Variants in UGT1A10 observed in about 807,000 individuals in gnomAD.
UGT1A10 encodes the protein UDP glucuronosyltransferase family 1 member A10.
UGT1A10 carries 49 observed loss-of-function variants against 45.8 expected under a neutral mutation model. That is an observed-to-expected ratio of 1.07 (90% CI 0.85 to 1.36). The LOEUF is 1.36. Among genes scored for constraint, UGT1A10 ranks in the 40% most tolerant of loss-of-function variants. The pLI, the probability that UGT1A10 is intolerant of heterozygous loss-of-function variation, is 0.00. For missense variants in UGT1A10, 745 were observed against 668.6 expected (o/e 1.11, Z -1.26); for synonymous variants, 284 against 249.7 (o/e 1.14, Z -1.29).
At chr2:233,677,323 G>C (rs552269750) in intron 1 of UGT1A10, among the ~76,000 whole-genome samples, 1 of 151,982 alleles carries the variant, frequency 6.6e-6, no homozygotes, top group Non-Finnish European at 1.5e-5. Flanking sequence ...AGTGTTCATT[G>C]CTAGTATAGT....
At chr2:233,760,437 G>A (rs1351570136) in intron 1 of UGT1A10, 1 of 1,614,104 alleles carries the variant, frequency 6.2e-7, no homozygotes, top group East Asian at 2.2e-5. Flanking sequence ...TCCAGCAGCT[G>A]CAGCAGAGGG....
intron 1 of UGT1A10, chr2:233,682,625 A>G (rs2074587539): frequency 1.2e-6 from 2 of 1,613,918 alleles, no homozygotes; most frequent in Non-Finnish European, 8.5e-7. Context: ...TGTCTTAGAA[A>G]TAGCCTCTGA....
Position 233,769,464 on chromosome 2 carries a change from CGTGTGTGT to C in UGT1A10, c.1295+1033_1295+1040del. 6.7e-7 allele frequency: 1 copy of C among 1,503,278 alleles called. No homozygotes were observed. The highest frequency in any genetic ancestry group is 9.1e-7 in the Non-Finnish European group (1 of 1,095,312). The allele number at this position is 1,503,278 out of a possible 1,614,324, so 93.1% of individuals were successfully genotyped here. A position where few individuals can be genotyped will look rare whatever the true frequency, so the allele number is the denominator to read the frequency against. Reference sequence around the variant, plus strand: ...GGGTGCACACGTGTGCATTCATATGCGTGTGTGTGTGTGTGCGTGTGTTTATGAGAGTG... The same window carrying C: ...GGGTGCACACGTGTGCATTCATATGCGTGTGTGCGTGTGTTTATGAGAGTG... On this transcript the variant is annotated intron_variant, in intron 4 of 4. Transcript: ENST00000344644. The surrounding 1 kb of genome is among the most constrained non-coding windows in gnomAD (Gnocchi z 4.4).
intron 1 of UGT1A10, among the ~76,000 whole-genome samples, chr2:233,750,053 G>A (rs1694341640): frequency 6.6e-6 from 1 of 151,850 alleles, no homozygotes. Flanking sequence ...ATGTGGAAGT[G>A]ACTTTGGAAC....
At chr2:233,699,007 A>C (rs575733122) in intron 1 of UGT1A10, among the ~76,000 whole-genome samples, 1 of 152,358 alleles carries the variant, frequency 6.6e-6, no homozygotes, top group South Asian at 2.1e-4. Context: ...CTGTAAGAAC[A>C]TGAGAGGCTG....
chr2:233,704,765 G>A (rs1449805023), intron 1 of UGT1A10, among the ~76,000 whole-genome samples: 4 of 151,870 alleles, frequency 2.6e-5, no homozygotes, highest in South Asian at 2.1e-4. Context: ...AATATATTAC[G>A]CTTCCATATG....
At chr2:233,690,588 GA>G (rs144486213) in intron 1 of UGT1A10, 260,204 of 1,069,074 alleles carry the variant, frequency 0.24, 16,694 homozygotes, top group Non-Finnish European at 0.26. Flanking sequence ...CAATCCCTGA[GA>G]AAAAAAAAAA....
chr2:233,732,613 T>C (rs1008182580), intron 1 of UGT1A10, among the ~76,000 whole-genome samples: 11 of 152,338 alleles, frequency 7.2e-5, no homozygotes, highest in Admixed American at 4.6e-4. Context: ...ATCAAATGGT[T>C]GTAGATGTGT....
chr2:233,743,432 G>A (rs779473501), intron 1 of UGT1A10: 7 of 1,356,042 alleles, frequency 5.2e-6, no homozygotes, highest in South Asian at 2.3e-5. Flanking sequence ...CCAAAGGAAC[G>A]AAATCCTGTA....
Position 233,768,439 on chromosome 2 carries a change from G to A in UGT1A10, c.1295G>A (p.Ser432Asn), listed in dbSNP as rs1306719122. The change falls in exon 4 of 5, where the codon AGT becomes AAT. Residue 432 changes from serine (S) to asparagine (N), a missense_variant and splice_region_variant. Coordinates refer to ENST00000344644, the MANE Select transcript of UGT1A10 (RefSeq NM_019075.4). ...NALKAVINDK[S>N]YKENIMRLSS... The stretch of plus-strand genomic sequence containing the variant: ...CTAAAAGCAGTCATCAATGACAAAA[G>A]GTAAGAAAGAAGATACAGAAGAATA... 3.1e-6 allele frequency: 5 copies of A among 1,613,244 alleles called. No individual in the cohort carries two copies. The highest frequency in any genetic ancestry group is 1.3e-5 in the African/African-American group (1 of 74,970).
rs565070382 is a variant in UGT1A10, at chr2:233,656,714, C to T, written c.855+19337C>T. Among the ~76,000 whole-genome samples, 5 of 152,174 alleles carry T rather than the reference C, an allele frequency of 3.3e-5. No homozygotes were observed. In the South Asian group the frequency reaches 6.2e-4, roughly 19 times the overall value. On this transcript the variant is annotated intron_variant, in intron 1 of 4. Coordinates refer to ENST00000344644, the MANE Select transcript of UGT1A10 (RefSeq NM_019075.4). ...ACAAAAGGGAGGGAGTGTGACGAGG[C>T]GTGTCCAGCCTTCTGTCCCGTCGTG...
chr2:233,728,050 G>T (rs2077677324), intron 1 of UGT1A10, among the ~76,000 whole-genome samples: 1 of 152,214 alleles, frequency 6.6e-6, no homozygotes, highest in Non-Finnish European at 1.5e-5. Context: ...GCCTCATTGG[G>T]CTTGAGGCCC....
In UGT1A10 at chr2:233,690,508, G is replaced by C. The variant is rs149990156; in HGVS notation, c.855+53131G>C. The C allele has an allele frequency of 2.2e-5, 29 of 1,289,314 alleles. No individual in the cohort carries two copies. In the African/African-American group the frequency reaches 4.0e-4, roughly 18 times the overall value. The allele number at this position is 1,289,314 out of a possible 1,614,324, so 79.9% of individuals were successfully genotyped here. A position where few individuals can be genotyped will look rare whatever the true frequency, so the allele number is the denominator to read the frequency against. On this transcript the variant is annotated intron_variant, in intron 1 of 4. Transcript: ENST00000344644. ...AATCTGCTCTTGCCAACAGAGATTT[G>C]TTTTATCTTAGGATCTACTTCTTTC... is the stretch of plus-strand genomic sequence containing the variant.
chr2:233,713,670 G>C (rs200994534), intron 1 of UGT1A10: 39 of 1,613,840 alleles, frequency 2.4e-5, no homozygotes, highest in East Asian at 1.8e-4. Context: ...TTGCCATGCT[G>C]TTTCTGCTCC....
intron 1 of UGT1A10, among the ~76,000 whole-genome samples, chr2:233,705,578 G>T (rs549130522): frequency 3.3e-5 from 5 of 152,170 alleles, no homozygotes; most frequent in Non-Finnish European, 7.3e-5. Flanking sequence ...GGATAGAAAT[G>T]GTTTATGGAT....
intron 1 of UGT1A10, chr2:233,713,190 A>G: frequency 6.2e-7 from 1 of 1,614,244 alleles, no homozygotes; most frequent in Non-Finnish European, 8.5e-7. Flanking sequence ...GGAGGTGAAT[A>G]TGTACATCAA....
chr2:233,667,897 G>A (rs1012554482), intron 1 of UGT1A10, among the ~76,000 whole-genome samples: 3 of 152,184 alleles, frequency 2.0e-5, no homozygotes, highest in Non-Finnish European at 4.4e-5. Flanking sequence ...TGCTGTAGAG[G>A]ATGTGGAGAA....
intron 1 of UGT1A10, among the ~76,000 whole-genome samples, chr2:233,666,423 T>A (rs2074076610): frequency 6.6e-6 from 1 of 152,230 alleles, no homozygotes; most frequent in Non-Finnish European, 1.5e-5. Context: ...TCAGTTTTAG[T>A]TTGATTACCC....
At chr2:233,697,963 A>G (rs2075419928) in intron 1 of UGT1A10, among the ~76,000 whole-genome samples, 2 of 152,206 alleles carry the variant, frequency 1.3e-5, no homozygotes, top group Non-Finnish European at 2.9e-5. Context: ...ATTTATTCTT[A>G]TTACAAAGAA....
Sources: gnomAD v4.1 joint callset for allele counts (sites outside exome capture counted in the v4.1 genomes callset) on GRCh38, gnomAD v4.1.1 for gene constraint, Gnocchi (gnomAD v3.1) non-coding constraint, MANE v1.5 for transcripts, NCBI Gene and HGNC (gene_info 2026-07-23, HGNC 2026-07-21) for gene names.